The following TERF1 variants were observed in gnomAD, a reference collection of about 807,000 sequenced individuals.
The protein encoded by TERF1 is telomeric repeat-binding factor 1.
A neutral mutation model predicts 55.1 loss-of-function variants in TERF1; 20 were observed. The observed-to-expected ratio is 0.36, with a 90% CI of 0.26 to 0.53. TERF1 has a LOEUF of 0.53. Ranked by LOEUF, TERF1 falls within the 20% of genes least tolerant of loss-of-function variation. The pLI is 0.91. For synonymous variants in TERF1, 168 were observed against 181.2 expected (o/e 0.93, Z 0.59); for missense variants, 439 against 535.7 (o/e 0.82, Z 1.78).
chr8:73,042,865 A>AT (rs1271144554), intron 9 of TERF1: 5 of 152,234 alleles, frequency 3.3e-5, no homozygotes, highest in East Asian at 3.9e-4. Context: ...TTTGTATTTG[A>AT]TTTTTTGAGA....
At chr8:73,016,463 GTC>G (rs1352973776) in intron 2 of TERF1, among the ~76,000 whole-genome samples, 2 of 149,110 alleles carry the variant, frequency 1.3e-5, no homozygotes, top group African/African-American at 5.0e-5. Context: ...TAGCCAGGGT[GTC>G]TCTCTGGCCC....
At position 73,032,074 on chromosome 8, in the gene TERF1, A is replaced by G. The variant is rs1296142489; in HGVS notation, c.980A>G (p.Gln327Arg). The G allele has an allele frequency of 1.9e-6, 3 of 1,611,832 alleles. No individual in the cohort carries two copies. Among genetic ancestry groups the G allele is most frequent in the African/African-American group, 2.7e-5 (2 of 74,820 alleles). Residue 327 changes from glutamine (Q) to arginine (R), a missense_variant, in exon 8 of 10, where the codon CAA becomes CGA. Physicochemically the swap from Gln to Arg is conservative, Grantham distance 43 (BLOSUM62 1). Coordinates refer to ENST00000276603, the MANE Select transcript of TERF1 (RefSeq NM_017489.3). ...SHKNLFLSKL[Q>R]HGTQQQDLNK... ...AAGAATCTTTTCTTATCTAAGTTGCAACATGGAACCCAGCAACAAGACCTT... is the reference window on the plus strand; with the variant it reads ...AAGAATCTTTTCTTATCTAAGTTGCGACATGGAACCCAGCAACAAGACCTT...
At chr8:73,040,562 G>C (rs1433432747) in intron 9 of TERF1, among the ~76,000 whole-genome samples, 3 of 152,106 alleles carry the variant, frequency 2.0e-5, no homozygotes, top group African/African-American at 7.2e-5. Context: ...TTTGCAGTTT[G>C]AATATGATGT....
rs551993234 is a variant in TERF1, at chr8:73,038,810, A to G, written c.1040-306A>G. 1.3e-5 allele frequency: 11 copies of G among 846,310 alleles called. No individual in the cohort carries two copies. The East Asian group carries it at 4.1e-4, about 31-fold the overall frequency. The allele number at this position is 846,310 out of a possible 1,614,324, so 52.4% of individuals were successfully genotyped here. On this transcript the variant is annotated intron_variant, in intron 8 of 9. Transcript: ENST00000276603. ...AAAACATTATCGTAAGAAAATTTCA[A>G]CGATCCTATGCAATAAATATTTTTC... is the stretch of plus-strand genomic sequence containing the variant.
intron 2 of TERF1, among the ~76,000 whole-genome samples, chr8:73,016,886 G>A (rs1808533574): frequency 6.6e-6 from 1 of 152,154 alleles, no homozygotes; most frequent in African/African-American, 2.4e-5. Flanking sequence ...GGAGTGCACT[G>A]GATCCTCAGC....
intron 5 of TERF1, among the ~76,000 whole-genome samples, 186 bp from the exon 6 acceptor site, chr8:73,026,754 C>CT (rs1182443428): frequency 1.3e-5 from 2 of 151,768 alleles, no homozygotes; most frequent in African/African-American, 4.8e-5. Context: ...AAGCAGATAG[C>CT]TAATGTAGCT....
In TERF1 at chr8:73,044,204, C is replaced by T. The variant is rs1055354912; in HGVS notation, c.1144-1757C>T. Reference sequence around the variant, plus strand: ...TAGATGGTCATAGGAGGCTGTCAGCCTTTGTCTAGCGATTGAATAGCCATG... The same window carrying T: ...TAGATGGTCATAGGAGGCTGTCAGCTTTTGTCTAGCGATTGAATAGCCATG... On this transcript the variant is annotated intron_variant, in intron 9 of 9. Transcript: ENST00000276603. 3.9e-5 allele frequency among the ~76,000 whole-genome samples: 6 copies of T among 152,246 alleles called. 1 individual carries two copies. Among genetic ancestry groups the T allele is most frequent in the Admixed American group, 3.9e-4 (6 of 15,296 alleles).
chr8:73,020,829 T>C, intron 3 of TERF1, 24 bp downstream of exon 3: 3 of 1,189,496 alleles, frequency 2.5e-6, no homozygotes, highest in Non-Finnish European at 3.6e-6. Flanking sequence ...ACTTTTATGC[T>C]TATTATATTT....
At chr8:73,037,844 A>G (rs868774766) in intron 8 of TERF1, among the ~76,000 whole-genome samples, 1 of 94,868 alleles carries the variant, frequency 1.1e-5, no homozygotes, top group Non-Finnish European at 2.0e-5. Flanking sequence ...TAATATATAT[A>G]ATATATAATA....
chr8:73,023,592 C>T (rs1808860613), intron 4 of TERF1, among the ~76,000 whole-genome samples: 1 of 152,118 alleles, frequency 6.6e-6, no homozygotes, highest in African/African-American at 2.4e-5. Context: ...AATATTTTCT[C>T]CATAGCACTA....
chr8:73,046,277 G>T lies in TERF1; in HGVS notation c.*140G>T, dbSNP rs1473091628. The T allele has an allele frequency of 8.2e-6, 5 of 612,124 alleles. 1 individual carries two copies. The highest frequency in any genetic ancestry group is 1.3e-5 in the Non-Finnish European group (5 of 381,350). 37.9% of individuals were successfully genotyped at this position (612,124 alleles called of 1,614,324 possible). ...TTTCTGTGACCATCAATTAATGAGGGTTTGTGCTACCAGAGTTAAAGCATA... is the reference window on the plus strand; with the variant it reads ...TTTCTGTGACCATCAATTAATGAGGTTTTGTGCTACCAGAGTTAAAGCATA... On this transcript the variant is annotated 3_prime_UTR_variant, in exon 10 of 10. Transcript: ENST00000276603.
chr8:73,025,125 A>G (rs1030529765), intron 5 of TERF1, among the ~76,000 whole-genome samples, 154 bp downstream of exon 5: 1 of 152,242 alleles, frequency 6.6e-6, no homozygotes, highest in Non-Finnish European at 1.5e-5. Context: ...TTGTGGACCT[A>G]ATTAAAAGAT....
chr8:73,024,610 T>C (rs1267317695), intron 4 of TERF1, among the ~76,000 whole-genome samples: 2 of 152,150 alleles, frequency 1.3e-5, no homozygotes, highest in Non-Finnish European at 2.9e-5. Flanking sequence ...TTTGAATCTG[T>C]CTAAAATGTA....
intron 9 of TERF1, among the ~76,000 whole-genome samples, chr8:73,041,908 A>G (rs1809847294): frequency 6.6e-6 from 1 of 151,996 alleles, no homozygotes; most frequent in Non-Finnish European, 1.5e-5. Flanking sequence ...GTCACAGTTA[A>G]TTGCTCCTAC....
intron 8 of TERF1, among the ~76,000 whole-genome samples, chr8:73,032,752 C>A (rs890326039): frequency 6.6e-6 from 1 of 151,988 alleles, no homozygotes; most frequent in African/African-American, 2.4e-5. Flanking sequence ...ACAGTAGTTA[C>A]GTTTAATAAA....
rs187447589 is a variant in TERF1 at position 73,039,355 on chromosome 8, G to A, written c.1143+136G>A. 54 of 587,116 alleles carry A rather than the reference G, an allele frequency of 9.2e-5. 1 individual carries two copies. Among genetic ancestry groups the A allele is most frequent in the East Asian group, 9.0e-4 (30 of 33,208 alleles). 36.4% of individuals were successfully genotyped at this position (587,116 alleles called of 1,614,324 possible). A position where few individuals can be genotyped will look rare whatever the true frequency, so the allele number is the denominator to read the frequency against. ...GCCCTTTGCCATCTTTTATTTTGCC[G>A]TCTTAGATAGGTGACTAATCAGCCT... On this transcript the variant is annotated intron_variant, in intron 9 of 9. Transcript: ENST00000276603.
At chr8:73,032,276 A>G (rs1809322080) in intron 8 of TERF1, 143 bp downstream of exon 8, 6 of 583,184 alleles carry the variant, frequency 1.0e-5, no homozygotes, top group Non-Finnish European at 1.8e-5. Context: ...GTTAATTGAG[A>G]TAGTGTTTAA....
chr8:73,032,923 G>A (rs1459362296), intron 8 of TERF1, among the ~76,000 whole-genome samples: 1 of 151,284 alleles, frequency 6.6e-6, no homozygotes, highest in African/African-American at 2.4e-5. Flanking sequence ...CAACGTGCAG[G>A]TTTGTTACAT....
intron 9 of TERF1, among the ~76,000 whole-genome samples, chr8:73,043,628 A>G (rs1809919164): frequency 1.3e-5 from 2 of 152,190 alleles, no homozygotes; most frequent in African/African-American, 2.4e-5. Context: ...GGGTTTTGGC[A>G]GTGGCTTGCT....
Sources: allele counts gnomAD v4.1 joint callset (sites outside exome capture counted in the v4.1 genomes callset), GRCh38; gene constraint gnomAD v4.1.1; transcripts MANE v1.5; gene names NCBI Gene and HGNC (gene_info 2026-07-23, HGNC 2026-07-21).